DPP10: variants seen among roughly 807,000 people sequenced by gnomAD.
DPP10 encodes the protein inactive dipeptidyl peptidase 10.
In DPP10, 33 loss-of-function variants were observed where a neutral mutation model predicts 120.9. The ratio of observed to expected loss-of-function variants is 0.27; its 90% CI spans 0.21 to 0.37. The LOEUF (loss-of-function observed/expected upper bound fraction) is 0.37, where lower values mean the gene tolerates loss of function less well. DPP10 is among the 10% of genes least tolerant of loss of function. The probability of loss-of-function intolerance (pLI) is 1.00; values close to 1 mark genes in which losing one functional copy is unlikely to be tolerated. For synonymous variants in DPP10, 337 were observed against 326.1 expected (o/e 1.03, Z -0.36); for missense variants, 816 against 942.8 (o/e 0.87, Z 1.76).
At chr2:115,707,157 G>T (rs573089069) in intron 7 of DPP10, among the ~76,000 whole-genome samples, 46 of 151,902 alleles carry the variant, frequency 3.0e-4, no homozygotes, top group African/African-American at 9.9e-4. Flanking sequence ...ATTTTAGCTG[G>T]TAATTTCAAC....
chr2:115,433,055 A>T (rs1312454751), intron 3 of DPP10, among the ~76,000 whole-genome samples: 1 of 152,062 alleles, frequency 6.6e-6, no homozygotes, highest in Non-Finnish European at 1.5e-5. Flanking sequence ...TCTGTCAGAC[A>T]GTAAGGATTG....
intron 1 of DPP10, chr2:115,162,329 A>T (rs2052463838): frequency 6.9e-7 from 1 of 1,459,520 alleles, no homozygotes; most frequent in Non-Finnish European, 9.1e-7. Context: ...AGGGAGGGAG[A>T]GGCGGCCGGG....
At chr2:114,645,523 C>A (rs1253015818) in intron 1 of DPP10, among the ~76,000 whole-genome samples, 1 of 152,196 alleles carries the variant, frequency 6.6e-6, no homozygotes, top group Admixed American at 6.5e-5. Flanking sequence ...TGAATGTTTT[C>A]TCTCCACAAA....
chr2:115,276,368 C>G (rs1211385985), intron 1 of DPP10, among the ~76,000 whole-genome samples: 1 of 152,054 alleles, frequency 6.6e-6, no homozygotes, highest in Non-Finnish European at 1.5e-5. Flanking sequence ...TCTTTTCTGA[C>G]AAGCAGAAAA....
intron 1 of DPP10, among the ~76,000 whole-genome samples, chr2:114,975,042 C>CTT (rs757024790): frequency 7.1e-6 from 1 of 141,144 alleles, no homozygotes. Context: ...GAAGGATTTG[C>CTT]TTTTTTTTTT....
chr2:115,025,852 T>A (rs1703421583), intron 1 of DPP10, among the ~76,000 whole-genome samples: 1 of 152,054 alleles, frequency 6.6e-6, no homozygotes, highest in Admixed American at 6.6e-5. Context: ...AGATATTTTG[T>A]GGGGTCTTTT....
intron 2 of DPP10, among the ~76,000 whole-genome samples, chr2:115,327,967 T>C (rs2062464670): frequency 6.6e-6 from 1 of 152,058 alleles, no homozygotes; most frequent in African/African-American, 2.4e-5. Context: ...TTCAACCCAT[T>C]GACAAGGACA....
chr2:114,852,108 C>T (rs543344588), intron 1 of DPP10, among the ~76,000 whole-genome samples: 6 of 140,448 alleles, frequency 4.3e-5, no homozygotes, highest in Non-Finnish European at 9.1e-5. Flanking sequence ...CCCACATTTG[C>T]TATGCCTATT....
At chr2:115,683,279 T>C (rs2090774814) in intron 5 of DPP10, among the ~76,000 whole-genome samples, 1 of 151,906 alleles carries the variant, frequency 6.6e-6, no homozygotes, top group Non-Finnish European at 1.5e-5. Flanking sequence ...CTATATGGCA[T>C]TCTGGGAAAT....
At chr2:115,395,023 A>T (rs1212735337) in intron 3 of DPP10, among the ~76,000 whole-genome samples, 1 of 152,198 alleles carries the variant, frequency 6.6e-6, no homozygotes, top group East Asian at 1.9e-4. Flanking sequence ...ATGTTCTCAA[A>T]GCTGTTTTCA....
At chr2:115,543,636 T>G (rs1442167668) in intron 5 of DPP10, among the ~76,000 whole-genome samples, 1 of 142,438 alleles carries the variant, frequency 7.0e-6, no homozygotes, top group South Asian at 2.1e-4. Flanking sequence ...ACATGCTGGG[T>G]TTTTTTTTGT....
intron 11 of DPP10, among the ~76,000 whole-genome samples, chr2:115,757,336 A>T (rs942902361): frequency 1.2e-4 from 19 of 152,048 alleles, no homozygotes; most frequent in Admixed American, 4.6e-4. Flanking sequence ...TTCCAAAAAA[A>T]AATAATAATA....
At chr2:115,602,496 A>T (rs1338296822) in intron 5 of DPP10, among the ~76,000 whole-genome samples, 1 of 152,210 alleles carries the variant, frequency 6.6e-6, no homozygotes, top group Admixed American at 6.5e-5. Flanking sequence ...ATTCAAAAGC[A>T]TCTTTTAAAA....
intron 19 of DPP10, among the ~76,000 whole-genome samples, chr2:115,811,696 G>A (rs111950953): frequency 3.3e-5 from 5 of 152,292 alleles, no homozygotes; most frequent in African/African-American, 1.2e-4. Flanking sequence ...TGCCTTAAAA[G>A]TTAAGGACAC....
chr2:115,564,175 G>A (rs2080854228), intron 5 of DPP10, among the ~76,000 whole-genome samples: 1 of 149,664 alleles, frequency 6.7e-6, no homozygotes, highest in Non-Finnish European at 1.5e-5. Flanking sequence ...ATGTGAGATG[G>A]AATATATTTA....
intron 1 of DPP10, among the ~76,000 whole-genome samples, chr2:114,469,861 G>A (rs1368801718): frequency 3.3e-5 from 5 of 152,196 alleles, no homozygotes; most frequent in African/African-American, 9.7e-5. Context: ...GCTGCACAGA[G>A]CAGAGGCCCT....
rs70941043 is a variant in DPP10, at chr2:115,289,506, G to GAAAAAAAGAA, written c.61-19731_61-19730insAAAAAGAAAA. ...AAACCAAAAAAAAAAAAAAAAAAAGGAAGAAAAGAAAAGAAAAAAGAGCCT... is the reference window on the plus strand; with the variant it reads ...AAACCAAAAAAAAAAAAAAAAAAAGGAAAAAAAGAAAAGAAAAGAAAAGAAAAAAGAGCCT... On this transcript the variant is annotated intron_variant, in intron 1 of 25. Transcript: ENST00000410059. Among the ~76,000 whole-genome samples, 11 of 114,324 alleles carry GAAAAAAAGAA rather than the reference G, an allele frequency of 9.6e-5. 1 individual carries two copies. Among genetic ancestry groups the GAAAAAAAGAA allele is most frequent in the Non-Finnish European group, 1.4e-4 (8 of 56,482 alleles). The allele number at this position is 114,324 out of a possible 152,430, so 75.0% of individuals were successfully genotyped here.
Position 114,754,505 on chromosome 2 carries a change from A to C in DPP10, c.60+311667A>C, listed in dbSNP as rs570205521. Among the ~76,000 whole-genome samples the C allele has an allele frequency of 2.6e-5, 4 of 152,112 alleles. No homozygotes were observed. In the East Asian group the frequency reaches 7.7e-4, roughly 29 times the overall value. ...GTCCATCCTGTGAGGGAGCATAGTT[A>C]TTTTTCTTTCTTTAAGTCAATGACT... On this transcript the variant is annotated intron_variant, in intron 1 of 25. Coordinates refer to ENST00000410059, the MANE Select transcript of DPP10 (RefSeq NM_020868.6).
At chr2:115,282,156 C>T (rs1157090388) in intron 1 of DPP10, among the ~76,000 whole-genome samples, 1 of 151,768 alleles carries the variant, frequency 6.6e-6, no homozygotes, top group African/African-American at 2.4e-5. Flanking sequence ...TGATATATAT[C>T]CCAACAACTT....
Sources: allele counts gnomAD v4.1 joint callset (sites outside exome capture counted in the v4.1 genomes callset), GRCh38; gene constraint gnomAD v4.1.1; transcripts MANE v1.5; gene names NCBI Gene and HGNC (gene_info 2026-07-23, HGNC 2026-07-21).